PTPRN2: variants seen among roughly 807,000 people sequenced by gnomAD.
PTPRN2 encodes protein tyrosine phosphatase receptor type N2, also known as receptor-type tyrosine-protein phosphatase N2.
In PTPRN2, 74 loss-of-function variants were observed where a neutral mutation model predicts 118.8. The ratio of observed to expected loss-of-function variants is 0.62; its 90% CI spans 0.52 to 0.76. PTPRN2 has a LOEUF of 0.76. PTPRN2 is among the 30% of genes least tolerant of loss of function. The pLI, the probability that PTPRN2 is intolerant of heterozygous loss-of-function variation, is 0.00. For synonymous variants in PTPRN2, 641 were observed against 608.0 expected (o/e 1.05, Z -0.80); for missense variants, 1,481 against 1,394.4 (o/e 1.06, Z -0.99).
intron 12 of PTPRN2, among the ~76,000 whole-genome samples, chr7:157,761,622 C>T (rs1354854199): frequency 6.9e-6 from 1 of 143,938 alleles, no homozygotes; most frequent in African/African-American, 2.7e-5. Flanking sequence ...AAGACTTAAA[C>T]ATTAGACCTA....
intron 11 of PTPRN2, among the ~76,000 whole-genome samples, chr7:157,998,047 G>GGGGGGAGAGGAGTGCAGGGTT (rs1804907809): frequency 1.3e-5 from 1 of 78,252 alleles, no homozygotes; most frequent in Non-Finnish European, 2.6e-5. Context: ...AGTGCAGGGT[G>GGGGGGAGAGGAGTGCAGGGTT]GGGGGAGAGG....
intron 2 of PTPRN2, among the ~76,000 whole-genome samples, chr7:158,360,152 CCT>C (rs1332941448): frequency 7.9e-5 from 3 of 38,110 alleles, no homozygotes; most frequent in Admixed American, 2.2e-4. Context: ...CCACATCCAC[CCT>C]CACCCAGGAC....
intron 11 of PTPRN2, among the ~76,000 whole-genome samples, chr7:158,037,874 T>A (rs1201168103): frequency 6.6e-6 from 1 of 152,224 alleles, no homozygotes; most frequent in Non-Finnish European, 1.5e-5. Flanking sequence ...GTCAGAACGA[T>A]TGAGACACCA....
intron 5 of PTPRN2, among the ~76,000 whole-genome samples, chr7:158,185,796 G>C (rs1008688441): frequency 6.6e-6 from 1 of 152,202 alleles, no homozygotes; most frequent in Non-Finnish European, 1.5e-5. Context: ...TCAGCCGCCA[G>C]GTTTCTGAAC....
At chr7:157,934,896 C>T (rs1799608761) in intron 11 of PTPRN2, among the ~76,000 whole-genome samples, 2 of 152,214 alleles carry the variant, frequency 1.3e-5, no homozygotes, top group South Asian at 4.1e-4. Flanking sequence ...TTTCTTTCAC[C>T]CTTATGCTGA....
At chr7:158,539,625 C>CT in intron 1 of PTPRN2, 1 of 217,236 alleles carries the variant, frequency 4.6e-6, no homozygotes, top group South Asian at 5.8e-5. Flanking sequence ...AGGGAAAGGC[C>CT]TGGAGCCTTA....
chr7:157,734,278 T>C (rs1800169351), intron 12 of PTPRN2, among the ~76,000 whole-genome samples: 1 of 123,706 alleles, frequency 8.1e-6, no homozygotes, highest in Non-Finnish European at 1.7e-5. Context: ...CAGTGCAGTC[T>C]TCCGTCCCAT....
At chr7:158,569,656 C>T (rs1403596364) in intron 1 of PTPRN2, among the ~76,000 whole-genome samples, 2 of 150,698 alleles carry the variant, frequency 1.3e-5, no homozygotes, top group Admixed American at 6.6e-5. Context: ...ACGCGGGGCG[C>T]GAGGCCGCCT....
At chr7:158,311,642 G>A (rs1801742051) in intron 3 of PTPRN2, among the ~76,000 whole-genome samples, 1 of 152,234 alleles carries the variant, frequency 6.6e-6, no homozygotes. Context: ...AGAAGACTCT[G>A]AAGGCCGCGC....
chr7:158,024,250 C>T (rs982709417), intron 11 of PTPRN2, among the ~76,000 whole-genome samples: 8 of 152,306 alleles, frequency 5.3e-5, no homozygotes, highest in African/African-American at 1.9e-4. Flanking sequence ...ACTTGCACAT[C>T]AGAAACCCAG....
rs997691853 is a variant in PTPRN2, at chr7:157,598,735, C to T, written c.2419-3420G>A. 7.2e-5 allele frequency among the ~76,000 whole-genome samples: 11 copies of T among 152,230 alleles called. No homozygotes were observed. In the East Asian group the frequency reaches 7.7e-4, roughly 11 times the overall value. ...AGGCGGTCTGCGGCCCGTGAACACG[C>T]GTCCATGCTGTCCTCAGTGAACCAC... On this transcript the variant is annotated intron_variant, in intron 16 of 22. Coordinates refer to ENST00000389418, the MANE Select transcript of PTPRN2 (RefSeq NM_002847.5). The surrounding 1 kb of genome is among the most constrained non-coding windows in gnomAD (Gnocchi z 5.2).
intron 2 of PTPRN2, among the ~76,000 whole-genome samples, chr7:158,337,042 C>A (rs1378643257): frequency 1.3e-5 from 1 of 75,478 alleles, no homozygotes; most frequent in Admixed American, 1.2e-4. Flanking sequence ...AGACATCACT[C>A]ACACCCACAC....
chr7:158,442,620 C>T (rs763081711), intron 2 of PTPRN2, among the ~76,000 whole-genome samples: 5 of 152,190 alleles, frequency 3.3e-5, no homozygotes, highest in Non-Finnish European at 7.3e-5. Context: ...TCTAAACAGA[C>T]ATTTACCCGA....
At chr7:158,443,998 A>T (rs1817558469) in intron 2 of PTPRN2, among the ~76,000 whole-genome samples, 1 of 152,158 alleles carries the variant, frequency 6.6e-6, no homozygotes, top group Non-Finnish European at 1.5e-5. Context: ...TCTGGGTGTC[A>T]TTCCAGCAGC....
intron 3 of PTPRN2, among the ~76,000 whole-genome samples, chr7:158,245,474 A>G (rs986106704): frequency 1.3e-5 from 2 of 152,184 alleles, no homozygotes; most frequent in African/African-American, 2.4e-5. Flanking sequence ...ATCTCCACGC[A>G]CTTCTCATAG....
rs1218097135 is a variant in PTPRN2 at position 157,585,667 on chromosome 7, C to T, written c.2497-7527G>A. ...CCTTGCGGGGAGCTGCTGCACTGGG[C>T]GGCCTTTCCTTTTCAAGATCAGGAC... is the stretch of plus-strand genomic sequence containing the variant. On this transcript the variant is annotated intron_variant, in intron 17 of 22. Coordinates refer to ENST00000389418, the MANE Select transcript of PTPRN2 (RefSeq NM_002847.5). The surrounding 1 kb of genome is among the most constrained non-coding windows in gnomAD (Gnocchi z 5.2). Among the ~76,000 whole-genome samples the T allele has an allele frequency of 2.0e-5, 3 of 152,162 alleles. No homozygotes were observed. The highest frequency in any genetic ancestry group is 2.1e-4 in the South Asian group (1 of 4,822).
intron 10 of PTPRN2, among the ~76,000 whole-genome samples, chr7:158,098,524 A>G (rs1285026234): frequency 6.6e-6 from 1 of 152,184 alleles, no homozygotes; most frequent in African/African-American, 2.4e-5. Flanking sequence ...CCGTCTTCCG[A>G]CAGCGAAGGC....
chr7:158,078,753 G>A lies in PTPRN2; in HGVS notation c.1723+2545C>T, dbSNP rs555026303. ...CCGTGCTAAGCGCTCTCCTGAGGCC[G>A]ATGGGCCAGTCACCACACATGGGCA... On this transcript the variant is annotated intron_variant, in intron 11 of 22. Coordinates refer to ENST00000389418, the MANE Select transcript of PTPRN2 (RefSeq NM_002847.5). 1.6e-4 allele frequency among the ~76,000 whole-genome samples: 25 copies of A among 152,328 alleles called. No homozygotes were observed. The South Asian group carries it at 3.7e-3, about 23-fold the overall frequency.
chr7:157,782,483 GA>G (rs144928741), intron 12 of PTPRN2, among the ~76,000 whole-genome samples: 15,097 of 152,256 alleles, frequency 0.099, 853 homozygotes, highest in Middle Eastern at 0.15. Context: ...GCTTCTTACT[GA>G]TCATCCAGGC....
Sources: allele counts gnomAD v4.1 joint callset (sites outside exome capture counted in the v4.1 genomes callset), GRCh38; gene constraint gnomAD v4.1.1; non-coding constraint Gnocchi (gnomAD v3.1); transcripts MANE v1.5; gene names NCBI Gene and HGNC (gene_info 2026-07-23, HGNC 2026-07-21).